The following CNKSR2 variants were observed in gnomAD, a reference collection of about 807,000 sequenced individuals.
The protein encoded by CNKSR2 is CNK homolog protein 2.
CNKSR2 carries 14 observed loss-of-function variants against 84.4 expected under a neutral mutation model. The ratio of observed to expected loss-of-function variants is 0.17; its 90% CI spans 0.11 to 0.26. The LOEUF (loss-of-function observed/expected upper bound fraction) is 0.26, where lower values mean the gene tolerates loss of function less well. CNKSR2 is among the 10% of genes least tolerant of loss of function. The pLI is 1.00. For missense variants in CNKSR2, 485 were observed against 771.2 expected (o/e 0.63, Z 4.40); for synonymous variants, 275 against 277.9 (o/e 0.99, Z 0.10).
At chrX:21,551,261 T>C (rs1231286897) in intron 11 of CNKSR2, among the ~76,000 whole-genome samples, 1 of 111,297 alleles carries the variant, frequency 9.0e-6, no homozygotes, top group Admixed American at 9.5e-5. Flanking sequence ...AAATACCTAA[T>C]GTAGATGATG....
chrX:21,638,602 G>C (rs2092681406), intron 20 of CNKSR2, among the ~76,000 whole-genome samples: 1 of 111,562 alleles, frequency 9.0e-6, no homozygotes, highest in Admixed American at 9.6e-5. Flanking sequence ...CTCACAATTA[G>C]AAGTTTCAGT....
intron 9 of CNKSR2, among the ~76,000 whole-genome samples, chrX:21,524,047 T>A (rs1286662888): frequency 2.7e-5 from 3 of 110,918 alleles, no homozygotes; most frequent in African/African-American, 9.8e-5. Context: ...ATGTCTAGTT[T>A]TTTTAATATG....
intron 8 of CNKSR2, chrX:21,503,467 A>G (rs1401549557): frequency 1.1e-5 from 3 of 273,633 alleles, no homozygotes; most frequent in East Asian, 5.1e-5. Context: ...AGTCCATGCA[A>G]TAATCCTGCA....
At chrX:21,610,283 G>T (rs1250124932) in intron 20 of CNKSR2, among the ~76,000 whole-genome samples, 1 of 112,054 alleles carries the variant, frequency 8.9e-6, no homozygotes. Context: ...TATAAGAAAA[G>T]TCAATGAAGT....
At chrX:21,547,604 A>AC (rs1458557898) in intron 11 of CNKSR2, among the ~76,000 whole-genome samples, 5 of 111,750 alleles carry the variant, frequency 4.5e-5, no homozygotes, top group African/African-American at 9.8e-5. Flanking sequence ...AGAACTCTCC[A>AC]CCCCAAATCA....
intron 5 of CNKSR2, among the ~76,000 whole-genome samples, chrX:21,474,392 A>G (rs2091238377): frequency 9.0e-6 from 1 of 111,723 alleles, no homozygotes; most frequent in Admixed American, 9.5e-5. Flanking sequence ...ATTGTTCACC[A>G]CTATAGGGAA....
intron 10 of CNKSR2, among the ~76,000 whole-genome samples, chrX:21,530,001 A>G (rs1238173785): frequency 7.2e-5 from 8 of 110,679 alleles, no homozygotes; most frequent in Non-Finnish European, 1.3e-4. Context: ...GAGGTCTGGT[A>G]CATTGACAGA....
rs760879794 is a variant in CNKSR2, at chrX:21,511,341, A to C, written c.811-5144A>C. Among the ~76,000 whole-genome samples the C allele has an allele frequency of 9.9e-5, 11 of 111,398 alleles. 1 individual carries two copies. In the South Asian group the frequency reaches 4.1e-3, roughly 42 times the overall value. On this transcript the variant is annotated intron_variant, in intron 8 of 21. Transcript: ENST00000379510. ...GGTCATTTAATCTTTTATGCGACAA[A>C]TTTTAAGTATATTACATATAAAAAA... is the stretch of plus-strand genomic sequence containing the variant.
chrX:21,563,600 T>C, intron 13 of CNKSR2, 148 bp downstream of exon 13: 1 of 448,809 alleles, frequency 2.2e-6, no homozygotes, highest in Non-Finnish European at 3.7e-6. Context: ...TAAAAAATGA[T>C]GGGTAATTGA....
intron 6 of CNKSR2, among the ~76,000 whole-genome samples, chrX:21,496,894 A>C (rs2147057113): frequency 9.0e-6 from 1 of 111,453 alleles, no homozygotes; most frequent in African/African-American, 3.2e-5. Flanking sequence ...CCCCGAAAAT[A>C]AATTTAAAGT....
chrX:21,403,584 G>A (rs1158414414), intron 1 of CNKSR2, among the ~76,000 whole-genome samples: 1 of 111,641 alleles, frequency 9.0e-6, no homozygotes, highest in Non-Finnish European at 1.9e-5. Flanking sequence ...TTCACTAAAT[G>A]TAAGTTTCAG....
At chrX:21,586,032 T>C (rs2092385505) in intron 13 of CNKSR2, among the ~76,000 whole-genome samples, 1 of 110,871 alleles carries the variant, frequency 9.0e-6, no homozygotes, top group Non-Finnish European at 1.9e-5. Context: ...AAAGATATGG[T>C]CATGGTCAAA....
intron 13 of CNKSR2, among the ~76,000 whole-genome samples, chrX:21,567,178 T>C (rs1337124563): frequency 8.9e-6 from 1 of 111,896 alleles, no homozygotes; most frequent in African/African-American, 3.3e-5. Context: ...TATTTTCTCT[T>C]ATCATCCAGT....
chrX:21,560,135 T>A (rs1465675066), intron 11 of CNKSR2, among the ~76,000 whole-genome samples: 3 of 111,251 alleles, frequency 2.7e-5, no homozygotes, highest in Non-Finnish European at 5.7e-5. Context: ...GGAGGAAGAA[T>A]TGTTGGAGTA....
intron 3 of CNKSR2, among the ~76,000 whole-genome samples, chrX:21,434,733 A>T (rs1245527139): frequency 9.1e-6 from 1 of 110,444 alleles, no homozygotes; most frequent in Non-Finnish European, 1.9e-5. Flanking sequence ...ATCCACAGCA[A>T]TATGTTTTGG....
intron 18 of CNKSR2, among the ~76,000 whole-genome samples, chrX:21,603,829 G>A (rs1257004568): frequency 9.0e-6 from 1 of 111,037 alleles, no homozygotes; most frequent in Middle Eastern, 4.3e-3. Flanking sequence ...GTATTTCTTC[G>A]ACAGTTCTAA....
At chrX:21,580,511 A>G (rs1052034996) in intron 13 of CNKSR2, among the ~76,000 whole-genome samples, 2 of 112,166 alleles carry the variant, frequency 1.8e-5, no homozygotes, top group South Asian at 3.7e-4. Flanking sequence ...TGTACATTAT[A>G]TCAGAGAAAT....
chrX:21,570,712 T>TTTTAATACTGTTG (rs1389537616), intron 13 of CNKSR2, among the ~76,000 whole-genome samples: 2 of 112,394 alleles, frequency 1.8e-5, no homozygotes, highest in East Asian at 5.6e-4. Context: ...ATTGGCCTAA[T>TTTTAATACTGTTG]TTTAATACTG....
intron 4 of CNKSR2, among the ~76,000 whole-genome samples, chrX:21,445,531 A>G (rs2090841608): frequency 9.0e-6 from 1 of 110,760 alleles, no homozygotes; most frequent in African/African-American, 3.3e-5. Flanking sequence ...GTGCTATAGA[A>G]CACTAGGATT....
Sources: allele counts gnomAD v4.1 joint callset (sites outside exome capture counted in the v4.1 genomes callset), GRCh38; gene constraint gnomAD v4.1.1; transcripts MANE v1.5; gene names NCBI Gene and HGNC (gene_info 2026-07-23, HGNC 2026-07-21).